The following LRRTM4 variants were observed in gnomAD, a reference collection of about 807,000 sequenced individuals.
LRRTM4 encodes the protein leucine rich repeat transmembrane neuronal 4, also known as leucine-rich repeat transmembrane neuronal protein 4.
A neutral mutation model predicts 47.6 loss-of-function variants in LRRTM4; 25 were observed. The observed-to-expected ratio is 0.53, with a 90% CI of 0.38 to 0.73. The LOEUF (loss-of-function observed/expected upper bound fraction) is 0.73, where lower values mean the gene tolerates loss of function less well. Ranked by LOEUF, LRRTM4 falls within the 30% of genes least tolerant of loss-of-function variation. The pLI is 0.00. For synonymous variants in LRRTM4, 311 were observed against 269.5 expected, an observed-to-expected ratio of 1.15 and a Z score of -1.51; for missense variants, 638 against 713.4, an observed-to-expected ratio of 0.89 and a Z score of 1.20.
intron 3 of LRRTM4, among the ~76,000 whole-genome samples, chr2:77,072,776 G>C (rs1001665272): frequency 1.6e-5 from 2 of 127,488 alleles, no homozygotes; most frequent in African/African-American, 6.3e-5. Flanking sequence ...TCCAGCCTGG[G>C]CGACAGAGTG....
At chr2:76,826,342 G>C (rs1370720538) in intron 3 of LRRTM4, among the ~76,000 whole-genome samples, 1 of 151,466 alleles carries the variant, frequency 6.6e-6, no homozygotes, top group Non-Finnish European at 1.5e-5. Flanking sequence ...TTTGAAGCTA[G>C]GCATCATGGC....
intron 3 of LRRTM4, among the ~76,000 whole-genome samples, chr2:77,302,177 A>G (rs1182680172): frequency 6.6e-6 from 1 of 152,180 alleles, no homozygotes; most frequent in Non-Finnish European, 1.5e-5. Context: ...ATTTCCATCA[A>G]AAATATTTCT....
intron 3 of LRRTM4, among the ~76,000 whole-genome samples, chr2:77,230,812 T>C (rs755310411): frequency 1.2e-4 from 19 of 152,140 alleles, no homozygotes; most frequent in Non-Finnish European, 5.9e-5. Context: ...ATCTTTAATA[T>C]ACATTTTTAA....
intron 3 of LRRTM4, among the ~76,000 whole-genome samples, chr2:76,989,509 A>G (rs1172941142): frequency 1.3e-5 from 2 of 151,912 alleles, no homozygotes; most frequent in African/African-American, 4.8e-5. Context: ...TACTTTTGTT[A>G]GTATGAAATC....
rs535419697 is a variant in LRRTM4, at chr2:76,805,547, A to G, written c.1552-56631T>C. On this transcript the variant is annotated intron_variant, in intron 3 of 3. Transcript: ENST00000409884. ...ATCATGTAGATCAAACCTACTGAAAATATATTAAATTCTCCTTCTACCAGT... is the reference window on the plus strand; with the variant it reads ...ATCATGTAGATCAAACCTACTGAAAGTATATTAAATTCTCCTTCTACCAGT... Among the ~76,000 whole-genome samples the G allele has an allele frequency of 2.6e-5, 4 of 152,276 alleles. No individual in the cohort carries two copies. In the East Asian group the frequency reaches 5.8e-4, roughly 22 times the overall value.
intron 3 of LRRTM4, among the ~76,000 whole-genome samples, chr2:76,867,169 A>T (rs920039950): frequency 6.6e-6 from 1 of 152,198 alleles, no homozygotes; most frequent in Non-Finnish European, 1.5e-5. Context: ...AACCACCATG[A>T]CACATATATA....
chr2:76,775,803 T>A (rs954930594), intron 3 of LRRTM4, among the ~76,000 whole-genome samples: 9 of 152,192 alleles, frequency 5.9e-5, no homozygotes, highest in African/African-American at 2.2e-4. Context: ...CATGTGCATA[T>A]TGTGCAGGTT....
chr2:77,054,390 T>C (rs73940264), intron 3 of LRRTM4, among the ~76,000 whole-genome samples: 2,827 of 152,322 alleles, frequency 0.019, 66 homozygotes, highest in African/African-American at 0.056. Context: ...GCAGCCACTC[T>C]TATTTCCAAA....
chr2:77,084,128 A>C (rs2103864169), intron 3 of LRRTM4, among the ~76,000 whole-genome samples: 1 of 152,256 alleles, frequency 6.6e-6, no homozygotes, highest in Admixed American at 6.5e-5. Context: ...TTGTTTAAAA[A>C]TAAAGTGTGT....
At chr2:77,383,266 T>G (rs1264231692) in intron 3 of LRRTM4, among the ~76,000 whole-genome samples, 2 of 152,104 alleles carry the variant, frequency 1.3e-5, no homozygotes, top group Non-Finnish European at 2.9e-5. Context: ...ACTAAAATTT[T>G]CTTGACCTCT....
intron 3 of LRRTM4, among the ~76,000 whole-genome samples, chr2:77,068,902 C>T (rs757333428): frequency 6.6e-6 from 1 of 152,228 alleles, no homozygotes; most frequent in Non-Finnish European, 1.5e-5. Flanking sequence ...GGGGTGAAAA[C>T]CGCTTAAAGG....
intron 3 of LRRTM4, among the ~76,000 whole-genome samples, chr2:77,147,283 C>T (rs1672284244): frequency 6.6e-6 from 1 of 152,150 alleles, no homozygotes; most frequent in Non-Finnish European, 1.5e-5. Flanking sequence ...GAGGGATTTC[C>T]CTTGCCTAGG....
intron 3 of LRRTM4, among the ~76,000 whole-genome samples, chr2:76,797,512 T>G (rs901558950): frequency 4.0e-5 from 6 of 151,890 alleles, no homozygotes; most frequent in Admixed American, 3.9e-4. Flanking sequence ...TGCAAAATCA[T>G]GCCAAAATGT....
intron 3 of LRRTM4, among the ~76,000 whole-genome samples, chr2:76,759,897 G>T (rs1010686685): frequency 3.3e-5 from 5 of 151,940 alleles, no homozygotes; most frequent in Admixed American, 3.3e-4. Flanking sequence ...TCAATTCCTT[G>T]TTTATTTTCT....
chr2:77,419,480 T>C (rs1412146161), intron 3 of LRRTM4, among the ~76,000 whole-genome samples: 1 of 152,200 alleles, frequency 6.6e-6, no homozygotes, highest in Non-Finnish European at 1.5e-5. Context: ...CTAGATTACT[T>C]ATAATACTTA....
At chr2:77,107,161 G>A (rs539075699) in intron 3 of LRRTM4, among the ~76,000 whole-genome samples, 1 of 151,976 alleles carries the variant, frequency 6.6e-6, no homozygotes, top group South Asian at 2.1e-4. Context: ...AAGACAATAG[G>A]AAAGTCTTTG....
chr2:76,978,515 G>C (rs1485461830), intron 3 of LRRTM4, among the ~76,000 whole-genome samples: 1 of 151,982 alleles, frequency 6.6e-6, no homozygotes, highest in Non-Finnish European at 1.5e-5. Context: ...TAAGGCTATT[G>C]CATTTTAAGA....
chr2:77,079,524 A>C (rs1430181455), intron 3 of LRRTM4, among the ~76,000 whole-genome samples: 1 of 152,150 alleles, frequency 6.6e-6, no homozygotes, highest in Non-Finnish European at 1.5e-5. Flanking sequence ...AGATTTTTGC[A>C]ATTTTTTTAA....
chr2:77,131,450 T>G (rs1015852670), intron 3 of LRRTM4, among the ~76,000 whole-genome samples: 5 of 152,218 alleles, frequency 3.3e-5, no homozygotes, highest in African/African-American at 1.2e-4. Context: ...ACAGAATTGA[T>G]GGAGTTAGCC....
Sources: allele counts gnomAD v4.1 joint callset (sites outside exome capture counted in the v4.1 genomes callset), GRCh38; gene constraint gnomAD v4.1.1; transcripts MANE v1.5; gene names NCBI Gene and HGNC (gene_info 2026-07-23, HGNC 2026-07-21).